Variants in HECW2 observed in about 807,000 individuals in gnomAD.
The protein encoded by HECW2 is HECT, C2 and WW domain containing E3 ubiquitin protein ligase 2.
A neutral mutation model predicts 175.2 loss-of-function variants in HECW2; 61 were observed. The ratio of observed to expected loss-of-function variants is 0.35; its 90% CI spans 0.28 to 0.43. HECW2 has a LOEUF of 0.43. Ranked by LOEUF, HECW2 falls within the 20% of genes least tolerant of loss-of-function variation. HECW2 has a pLI of 1.00. For synonymous variants in HECW2, 671 were observed against 731.0 expected (o/e 0.92, Z 1.32); for missense variants, 1,524 against 2,000.5 (o/e 0.76, Z 4.54).
chr2:196,349,119 T>C (rs544804215), intron 2 of HECW2, among the ~76,000 whole-genome samples: 1 of 152,202 alleles, frequency 6.6e-6, no homozygotes, highest in Non-Finnish European at 1.5e-5. Context: ...ATTTAACCTT[T>C]TTCTCTAGAG....
At chr2:196,369,857 C>T (rs536111476) in intron 2 of HECW2, among the ~76,000 whole-genome samples, 14 of 152,192 alleles carry the variant, frequency 9.2e-5, no homozygotes, top group African/African-American at 3.4e-4. Flanking sequence ...TCATTCAAGG[C>T]TTACAAAGCT....
At chr2:196,342,265 G>C (rs1046085559) in intron 3 of HECW2, among the ~76,000 whole-genome samples, 3 of 151,800 alleles carry the variant, frequency 2.0e-5, no homozygotes, top group African/African-American at 7.3e-5. Context: ...TTAGCTGGGC[G>C]TGGTGGTGCA....
intron 1 of HECW2, among the ~76,000 whole-genome samples, chr2:196,580,374 C>T (rs1280083958): frequency 1.3e-5 from 2 of 152,030 alleles, no homozygotes; most frequent in Admixed American, 6.6e-5. Context: ...TCAAAAGACA[C>T]TATCAATAAA....
intron 1 of HECW2, among the ~76,000 whole-genome samples, chr2:196,584,730 C>T (rs985735717): frequency 4.6e-5 from 7 of 152,072 alleles, no homozygotes; most frequent in Non-Finnish European, 1.5e-5. Flanking sequence ...GAACCCTTTC[C>T]AAATTATCCT....
intron 1 of HECW2, among the ~76,000 whole-genome samples, chr2:196,503,539 G>A (rs1687645215): frequency 6.6e-6 from 1 of 152,156 alleles, no homozygotes; most frequent in Non-Finnish European, 1.5e-5. Context: ...GCTACTGAGT[G>A]CTCCCCCTAC....
In HECW2 at chr2:196,199,054, C is replaced by T. The variant is rs1042950544; in HGVS notation, c.*2223G>A. ...ATCTTTTACCTAATAATATGAAATA[C>T]CATAACTAAATGTCTCAAACCAAAA... On this transcript the variant is annotated 3_prime_UTR_variant, in exon 29 of 29. Coordinates refer to ENST00000644978, the MANE Select transcript of HECW2 (RefSeq NM_001348768.2). The T allele has an allele frequency of 6.6e-6, 1 of 152,212 alleles. No homozygotes were observed. The highest frequency in any genetic ancestry group is 1.5e-5 in the Non-Finnish European group (1 of 67,948). 9.4% of individuals were successfully genotyped at this position (152,212 alleles called of 1,614,324 possible).
intron 2 of HECW2, among the ~76,000 whole-genome samples, chr2:196,366,473 A>AACAGATCAATAC (rs1469477376): frequency 6.6e-6 from 1 of 152,200 alleles, no homozygotes; most frequent in African/African-American, 2.4e-5. Flanking sequence ...ATCTATGTTT[A>AACAGATCAATAC]ACAGATCAAT....
intron 21 of HECW2, among the ~76,000 whole-genome samples, chr2:196,236,561 A>G (rs1575269886): frequency 6.6e-6 from 1 of 152,182 alleles, no homozygotes; most frequent in African/African-American, 2.4e-5. Flanking sequence ...CTGTTCCATG[A>G]TCCCATACAG....
chr2:196,384,574 C>T (rs537972066), intron 2 of HECW2, among the ~76,000 whole-genome samples: 1 of 152,046 alleles, frequency 6.6e-6, no homozygotes. Flanking sequence ...AGAGCAAGAC[C>T]CTGTCTCCAA....
At chr2:196,581,150 C>T (rs1056554506) in intron 1 of HECW2, among the ~76,000 whole-genome samples, 11 of 152,136 alleles carry the variant, frequency 7.2e-5, no homozygotes, top group African/African-American at 1.9e-4. Context: ...GAAATAACTA[C>T]TAATGGGTAT....
At chr2:196,407,126 G>C (rs1261373857) in intron 2 of HECW2, among the ~76,000 whole-genome samples, 1 of 151,880 alleles carries the variant, frequency 6.6e-6, no homozygotes, top group African/African-American at 2.4e-5. Flanking sequence ...CAAAGAATAC[G>C]AGCTTTCTGG....
At chr2:196,516,035 G>A (rs1384773724) in intron 1 of HECW2, among the ~76,000 whole-genome samples, 1 of 152,154 alleles carries the variant, frequency 6.6e-6, no homozygotes, top group East Asian at 1.9e-4. Flanking sequence ...TACTCGGGTG[G>A]CTAAGGCATG....
chr2:196,515,365 G>A (rs1050810119), intron 1 of HECW2, among the ~76,000 whole-genome samples: 1 of 152,264 alleles, frequency 6.6e-6, no homozygotes, highest in South Asian at 2.1e-4. Flanking sequence ...AAGCCCAGCA[G>A]GCGCAAACAA....
chr2:196,288,617 A>G (rs1336935082), intron 14 of HECW2: 1 of 152,236 alleles, frequency 6.6e-6, no homozygotes, highest in Non-Finnish European at 1.5e-5. Flanking sequence ...CTATAAGAGT[A>G]AAGATTCATC....
At chr2:196,539,181 T>C (rs926764650) in intron 1 of HECW2, among the ~76,000 whole-genome samples, 4 of 152,158 alleles carry the variant, frequency 2.6e-5, no homozygotes, top group African/African-American at 7.2e-5. Context: ...TCAGTCCCTG[T>C]AGGATCTCGG....
intron 2 of HECW2, among the ~76,000 whole-genome samples, chr2:196,393,242 G>A (rs898843340): frequency 7.9e-5 from 12 of 152,148 alleles, no homozygotes; most frequent in Non-Finnish European, 1.6e-4. Context: ...CATAGACAAG[G>A]ACTTCATGAC....
chr2:196,415,543 T>C (rs1409476085), intron 2 of HECW2, among the ~76,000 whole-genome samples: 2 of 138,948 alleles, frequency 1.4e-5, no homozygotes, highest in African/African-American at 5.6e-5. Context: ...CTTCCTGTGG[T>C]GTAAATGCTC....
At chr2:196,401,229 G>C (rs1694809259) in intron 2 of HECW2, among the ~76,000 whole-genome samples, 1 of 152,180 alleles carries the variant, frequency 6.6e-6, no homozygotes, top group South Asian at 2.1e-4. Context: ...ACCATTAATA[G>C]GGTAATGGTT....
intron 2 of HECW2, among the ~76,000 whole-genome samples, chr2:196,392,489 GT>G (rs1694543387): frequency 2.1e-5 from 3 of 144,348 alleles, no homozygotes; most frequent in African/African-American, 8.1e-5. Flanking sequence ...AAAAATTTTT[GT>G]TAATTAATTT....
Sources: allele counts gnomAD v4.1 joint callset (sites outside exome capture counted in the v4.1 genomes callset), GRCh38; gene constraint gnomAD v4.1.1; transcripts MANE v1.5; gene names NCBI Gene and HGNC (gene_info 2026-07-23, HGNC 2026-07-21).